The following LRRC4C variants were observed in gnomAD, a reference collection of about 807,000 sequenced individuals.
LRRC4C encodes leucine-rich repeat-containing protein 4C.
A neutral mutation model predicts 33.6 loss-of-function variants in LRRC4C; 5 were observed. The observed-to-expected ratio is 0.15, with a 90% CI of 0.08 to 0.31. LRRC4C has a LOEUF of 0.31. Ranked by LOEUF, LRRC4C falls within the 10% of genes least tolerant of loss-of-function variation. LRRC4C has a pLI of 1.00. For synonymous variants in LRRC4C, 329 were observed against 302.0 expected, an observed-to-expected ratio of 1.09 and a Z score of -0.93; for missense variants, 560 against 796.7, an observed-to-expected ratio of 0.70 and a Z score of 3.58.
chr11:41,283,452 T>C (rs1949730882), intron 1 of LRRC4C, among the ~76,000 whole-genome samples: 1 of 152,166 alleles, frequency 6.6e-6, no homozygotes, highest in African/African-American at 2.4e-5. Flanking sequence ...CTGCAGCCTG[T>C]TTTTGAAAGG....
rs78610976 is a variant in LRRC4C, at chr11:40,130,813, C to T, written c.-43+9988G>A. Among the ~76,000 whole-genome samples, 1,356 of 152,250 alleles carry T rather than the reference C, an allele frequency of 8.9e-3. 23 individuals are homozygous for T. Among genetic ancestry groups the T allele is most frequent in the African/African-American group, 0.031 (1,298 of 41,550 alleles). On this transcript the variant is annotated intron_variant, in intron 6 of 6. Coordinates refer to ENST00000528697, the MANE Select transcript of LRRC4C (RefSeq NM_001258419.2). ...AGTGTGTTCCGACTCTAAAAATACT[C>T]CCTCTACTTTTCCTCTTTGGGGACT...
chr11:40,565,727 C>T (rs1255039729), intron 3 of LRRC4C, among the ~76,000 whole-genome samples: 1 of 151,934 alleles, frequency 6.6e-6, no homozygotes, highest in African/African-American at 2.4e-5. Flanking sequence ...TTCTGTCTTG[C>T]CATCTATTGC....
At position 41,249,278 on chromosome 11, in the gene LRRC4C, C is replaced by A. The variant is rs981525361; in HGVS notation, c.-496+210153G>T. Among the ~76,000 whole-genome samples the A allele has an allele frequency of 5.9e-5, 9 of 152,202 alleles. 1 individual carries two copies. The East Asian group carries it at 1.4e-3, about 23-fold the overall frequency. ...CTCGATCTCCTGGCCTCGTGATCTG[C>A]CCTCCTCGGCCTCCCAAAGTGCTGG... On this transcript the variant is annotated intron_variant, in intron 1 of 6. Transcript: ENST00000528697.
At chr11:41,289,322 A>G (rs1444936279) in intron 1 of LRRC4C, among the ~76,000 whole-genome samples, 2 of 152,218 alleles carry the variant, frequency 1.3e-5, no homozygotes, top group African/African-American at 4.8e-5. Context: ...AAGCATACCT[A>G]TCACAGGAGT....
chr11:41,343,550 G>C lies in LRRC4C; in HGVS notation c.-496+115881C>G, dbSNP rs1270834744. Among the ~76,000 whole-genome samples the C allele has an allele frequency of 3.3e-5, 5 of 152,156 alleles. No individual in the cohort carries two copies. The East Asian group carries it at 9.6e-4, about 29-fold the overall frequency. On this transcript the variant is annotated intron_variant, in intron 1 of 6. Transcript: ENST00000528697. ...GCAATGAAGACCTTGGCTTCTTATA[G>C]ATAGGTTAATCAGGAAATGAAGAAA...
chr11:41,441,059 C>G (rs1254882402), intron 1 of LRRC4C, among the ~76,000 whole-genome samples: 3 of 152,138 alleles, frequency 2.0e-5, no homozygotes, highest in Non-Finnish European at 4.4e-5. Context: ...AGAGACAACA[C>G]TCTCTTTCTT....
intron 3 of LRRC4C, among the ~76,000 whole-genome samples, chr11:40,347,400 T>A (rs1222444841): frequency 6.6e-6 from 1 of 152,176 alleles, no homozygotes; most frequent in Non-Finnish European, 1.5e-5. Context: ...CACTAAAATT[T>A]TCTTCATATT....
At chr11:40,420,825 A>C (rs887798258) in intron 3 of LRRC4C, among the ~76,000 whole-genome samples, 3 of 152,204 alleles carry the variant, frequency 2.0e-5, no homozygotes, top group African/African-American at 7.2e-5. Context: ...TAACTATGAC[A>C]TACTACATCC....
intron 2 of LRRC4C, among the ~76,000 whole-genome samples, chr11:40,819,360 T>G (rs979349419): frequency 9.2e-5 from 14 of 152,126 alleles, no homozygotes; most frequent in Admixed American, 5.9e-4. Context: ...GAAGAACAGG[T>G]AAGAAGAGGA....
intron 2 of LRRC4C, among the ~76,000 whole-genome samples, chr11:40,748,201 C>G (rs754625363): frequency 1.3e-5 from 2 of 152,000 alleles, no homozygotes; most frequent in Non-Finnish European, 2.9e-5. Flanking sequence ...GTTAGAATAA[C>G]GGCAGTTTTC....
rs973948667 is a variant in LRRC4C at position 40,532,213 on chromosome 11, C to G, written c.-270+115929G>C. The stretch of plus-strand genomic sequence containing the variant: ...TGCTGACTAATCCTAAATTCTTCAT[C>G]AGTACGCTACATTTTTCATAATATG... On this transcript the variant is annotated intron_variant, in intron 3 of 6. Coordinates refer to ENST00000528697, the MANE Select transcript of LRRC4C (RefSeq NM_001258419.2). 2.0e-5 allele frequency among the ~76,000 whole-genome samples: 3 copies of G among 151,140 alleles called. No homozygotes were observed. In the East Asian group the frequency reaches 5.9e-4, roughly 30 times the overall value.
At chr11:40,363,216 C>T (rs1948044709) in intron 3 of LRRC4C, among the ~76,000 whole-genome samples, 2 of 152,148 alleles carry the variant, frequency 1.3e-5, no homozygotes, top group South Asian at 2.1e-4. Flanking sequence ...CTATGGAATA[C>T]TATGCAGCCA....
At chr11:40,131,342 A>G (rs1028904824) in intron 6 of LRRC4C, among the ~76,000 whole-genome samples, 8 of 152,234 alleles carry the variant, frequency 5.3e-5, no homozygotes, top group Non-Finnish European at 8.8e-5. Context: ...GAAAATTTAT[A>G]TATTAAGATT....
At chr11:41,016,395 A>G (rs1028534653) in intron 1 of LRRC4C, among the ~76,000 whole-genome samples, 5 of 152,202 alleles carry the variant, frequency 3.3e-5, no homozygotes, top group African/African-American at 1.2e-4. Context: ...TTTCTAAAGT[A>G]ATATATCTTA....
At chr11:41,167,580 T>G (rs1336878698) in intron 1 of LRRC4C, among the ~76,000 whole-genome samples, 1 of 152,162 alleles carries the variant, frequency 6.6e-6, no homozygotes, top group Non-Finnish European at 1.5e-5. Context: ...CAGCACTTAA[T>G]CAACTCCACA....
intron 1 of LRRC4C, among the ~76,000 whole-genome samples, chr11:41,293,653 A>G (rs1591179964): frequency 6.6e-6 from 1 of 152,018 alleles, no homozygotes; most frequent in South Asian, 2.1e-4. Context: ...CTGGAGTACA[A>G]TGGCCGCGAT....
At chr11:40,987,261 C>G (rs1316549146) in intron 1 of LRRC4C, among the ~76,000 whole-genome samples, 2 of 152,078 alleles carry the variant, frequency 1.3e-5, no homozygotes, top group South Asian at 4.1e-4. Flanking sequence ...CAGGGAATAC[C>G]TACAAGTTTG....
At chr11:41,098,724 G>C (rs1940973508) in intron 1 of LRRC4C, among the ~76,000 whole-genome samples, 1 of 152,052 alleles carries the variant, frequency 6.6e-6, no homozygotes, top group Admixed American at 6.6e-5. Flanking sequence ...AACATACAAA[G>C]CTTTTCTTGA....
At chr11:40,576,172 G>A (rs1958183936) in intron 3 of LRRC4C, among the ~76,000 whole-genome samples, 1 of 152,202 alleles carries the variant, frequency 6.6e-6, no homozygotes, top group Admixed American at 6.5e-5. Flanking sequence ...AGGGATGAAG[G>A]AAGATAAAAC....
Sources: allele counts gnomAD v4.1 joint callset (sites outside exome capture counted in the v4.1 genomes callset), GRCh38; gene constraint gnomAD v4.1.1; transcripts MANE v1.5; gene names NCBI Gene and HGNC (gene_info 2026-07-23, HGNC 2026-07-21).